The following TMEM201 variants were observed in gnomAD, a reference collection of about 807,000 sequenced individuals.
TMEM201 encodes transmembrane protein 201, also known as RP13-15M17.2.
TMEM201 carries 26 observed loss-of-function variants against 63.4 expected under a neutral mutation model. The ratio of observed to expected loss-of-function variants is 0.41; its 90% CI spans 0.30 to 0.57. The LOEUF is 0.57. Ranked by LOEUF, TMEM201 falls within the 20% of genes least tolerant of loss-of-function variation. TMEM201 has a pLI of 0.29. For missense variants in TMEM201, 794 were observed against 917.7 expected, an observed-to-expected ratio of 0.87 and a Z score of 1.74; for synonymous variants, 417 against 421.6, an observed-to-expected ratio of 0.99 and a Z score of 0.14.
chr1:9,602,367 C>CT (rs1644161442), intron 6 of TMEM201, 95 bp downstream of exon 6: 1 of 1,527,004 alleles, frequency 6.5e-7, no homozygotes, highest in African/African-American at 1.4e-5. Context: ...TGTCCTGCCT[C>CT]TTTTCACCTG....
At position 9,607,934 on chromosome 1, in the gene TMEM201, T is replaced by C. The variant is rs1262777255; in HGVS notation, c.1393+145T>C. On this transcript the variant is annotated intron_variant, in intron 7 of 10. Coordinates refer to ENST00000340381, the MANE Select transcript of TMEM201 (RefSeq NM_001130924.3). This position sits in a 1 kb window ranked among gnomAD's most constrained non-coding sequence, Gnocchi z 5.4. ...GCAGCACAGAGCTTTGAGCCTCAGT[T>C]CCCCCCAAAGAAATGGGGCTAGCTA... 4.2e-5 allele frequency: 34 copies of C among 817,194 alleles called. No individual in the cohort carries two copies. In the South Asian group the frequency reaches 5.7e-4, roughly 14 times the overall value. The allele number at this position is 817,194 out of a possible 1,614,324, so 50.6% of individuals were successfully genotyped here.
chr1:9,598,467 G>A lies in TMEM201; in HGVS notation c.448G>A (p.Val150Ile). 3 of 1,613,590 alleles carry A rather than the reference G, an allele frequency of 1.9e-6. No homozygotes were observed. The highest frequency in any genetic ancestry group is 2.5e-6 in the Non-Finnish European group (3 of 1,179,670). Residue 150 changes from valine (V) to isoleucine (I), a missense_variant, in exon 4 of 11, where the codon GTC (valine) becomes ATC (isoleucine). Transcript: ENST00000340381. ...CCCACAGGGCAGGTATGACGAGGAGGTCGAGGTGTACCGGCATCACCTGGA... is the reference window on the plus strand; with the variant it reads ...CCCACAGGGCAGGTATGACGAGGAGATCGAGGTGTACCGGCATCACCTGGA... ...PREEGRYDEEVEVYRHHLEQM... is the reference protein window; with the variant it reads ...PREEGRYDEEIEVYRHHLEQM...
chr1:9,611,879 C>A lies in TMEM201; in HGVS notation c.1892C>A (p.Ala631Asp). The change falls in exon 10 of 11, where the codon GCC becomes GAC. Residue 631 changes from alanine (A) to aspartate (D), a missense_variant. Transcript: ENST00000340381. ...TTTRGCSEEA[A>D]TWRGRFGPSL... ...ACCAGGGGCTGCTCGGAGGAGGCCG[C>A]CACCTGGAGAGGTCTGTACCCTGAG... 1 of 1,548,670 alleles carries A rather than the reference C, an allele frequency of 6.5e-7. No individual in the cohort carries two copies. The highest frequency in any genetic ancestry group is 8.7e-7 in the Non-Finnish European group (1 of 1,146,046).
In TMEM201 at chr1:9,610,950, T is replaced by C; in HGVS notation, c.1765+145T>C. On this transcript the variant is annotated intron_variant, in intron 9 of 10. Coordinates refer to ENST00000340381, the MANE Select transcript of TMEM201 (RefSeq NM_001130924.3). The surrounding 1 kb of genome is among the most constrained non-coding windows in gnomAD (Gnocchi z 4.9). ...GGAGCTCTAGGCACCCCATTCCGGC[T>C]CTGGTGACTTGAACCCTCTGGGACA... The C allele has an allele frequency of 2.7e-6, 4 of 1,507,190 alleles. No individual in the cohort carries two copies. The highest frequency in any genetic ancestry group is 3.5e-6 in the Non-Finnish European group (4 of 1,127,586). The allele number at this position is 1,507,190 out of a possible 1,614,324, so 93.4% of individuals were successfully genotyped here. A position where few individuals can be genotyped will look rare whatever the true frequency, so the allele number is the denominator to read the frequency against.
Position 9,601,312 on chromosome 1 carries a change from C to T in TMEM201, c.814C>T (p.Arg272Trp), listed in dbSNP as rs139018558. The change falls in exon 5 of 11, where the codon CGG (arginine) becomes TGG (tryptophan). Residue 272 changes from arginine (R) to tryptophan (W), a missense_variant. Physicochemically the swap from Arg to Trp is moderately radical, Grantham distance 101. Coordinates refer to ENST00000340381, the MANE Select transcript of TMEM201 (RefSeq NM_001130924.3). ...CACCACCCCTGGGGCCGAGGGCTGG[C>T]GGCAGTTGCTGGGCCTACTCCCCGA... ...NGTTPGAEGW[R>W]QLLGLLPEHM... The T allele has an allele frequency of 8.6e-5, 139 of 1,609,486 alleles. No individual in the cohort carries two copies. The highest frequency in any genetic ancestry group is 1.0e-4 in the Non-Finnish European group (119 of 1,179,864).
At chr1:9,600,625 G>A (rs1405710748) in intron 4 of TMEM201, among the ~76,000 whole-genome samples, 4 of 152,150 alleles carry the variant, frequency 2.6e-5, no homozygotes, top group Non-Finnish European at 5.9e-5. Context: ...AGTAAAGGAA[G>A]GGGCTCAACT....
At chr1:9,594,685 C>T (rs562087337) in intron 1 of TMEM201, among the ~76,000 whole-genome samples, 2 of 152,350 alleles carry the variant, frequency 1.3e-5, no homozygotes, top group Admixed American at 1.3e-4. Context: ...CAGCCTCCCC[C>T]TCAGGCCCCT....
Position 9,610,643 on chromosome 1 carries a change from C to T in TMEM201, c.1603C>T (p.Leu535=), listed in dbSNP as rs756020002. The change falls in exon 9 of 11, where the codon CTG becomes TTG. Residue 535 remains leucine, a synonymous_variant. Transcript: ENST00000340381. The surrounding 1 kb of genome is among the most constrained non-coding windows in gnomAD (Gnocchi z 4.9). Reference sequence around the variant, plus strand: ...CCTCATCAGCCCTGCCCGGCTCAACCTGAAGGGACAGAAGCTGCTGCTGTT... The same window carrying T: ...CCTCATCAGCCCTGCCCGGCTCAACTTGAAGGGACAGAAGCTGCTGCTGTT... ...RPLISPARLN[L]KGQKLLLFPS... 5.8e-6 allele frequency: 9 copies of T among 1,550,582 alleles called. No homozygotes were observed. The African/African-American group carries it at 8.2e-5, about 14-fold the overall frequency.
At chr1:9,601,014 C>G in intron 4 of TMEM201, 91 bp from the exon 5 acceptor site, 1 of 1,164,186 alleles carries the variant, frequency 8.6e-7, no homozygotes, top group South Asian at 1.5e-5. Flanking sequence ...GAACATGGGT[C>G]TGGCCAGAAC....
At position 9,611,883 on chromosome 1, in the gene TMEM201, C is replaced by T; in HGVS notation, c.1896C>T (p.Thr632=). ...GGGGCTGCTCGGAGGAGGCCGCCAC[C>T]TGGAGAGGTCTGTACCCTGAGGTGC... ...TTRGCSEEAA[T]WRGRFGPSLV... is the part of the protein sequence containing the mutation. The change falls in exon 10 of 11, where the codon ACC becomes ACT. Residue 632 remains threonine (T), a synonymous_variant. Coordinates refer to ENST00000340381, the MANE Select transcript of TMEM201 (RefSeq NM_001130924.3). 2 of 1,547,770 alleles carry T rather than the reference C, an allele frequency of 1.3e-6. No individual in the cohort carries two copies. The highest frequency in any genetic ancestry group is 8.7e-7 in the Non-Finnish European group (1 of 1,145,608).
intron 4 of TMEM201, among the ~76,000 whole-genome samples, chr1:9,599,085 C>T (rs1182638421): frequency 6.6e-6 from 1 of 151,956 alleles, no homozygotes; most frequent in East Asian, 1.9e-4. Flanking sequence ...GGATTACAGG[C>T]ACCCGCCATC....
chr1:9,611,172 C>A (rs1243424613), intron 9 of TMEM201: 11 of 674,072 alleles, frequency 1.6e-5, no homozygotes, highest in Non-Finnish European at 2.2e-5. Flanking sequence ...CTACAACTTT[C>A]AACTTTCACA....
chr1:9,606,610 A>T (rs1644249045), intron 6 of TMEM201: 2 of 152,264 alleles, frequency 1.3e-5, no homozygotes, highest in Admixed American at 6.5e-5. Context: ...CACGTTGTCC[A>T]CTGGGCTCAT....
chr1:9,602,735 C>T, intron 6 of TMEM201: 2 of 1,027,254 alleles, frequency 1.9e-6, no homozygotes, highest in Non-Finnish European at 2.3e-6. Context: ...ACAGGCTGGG[C>T]CCCTGGCGTG....
intron 3 of TMEM201, among the ~76,000 whole-genome samples, chr1:9,598,175 G>A (rs925333041): frequency 2.6e-5 from 4 of 152,198 alleles, no homozygotes; most frequent in African/African-American, 4.8e-5. Flanking sequence ...CCTGGCCTGC[G>A]GGTGCGTCCC....
At chr1:9,594,383 C>T (rs890672427) in intron 1 of TMEM201, among the ~76,000 whole-genome samples, 1 of 152,154 alleles carries the variant, frequency 6.6e-6, no homozygotes, top group Admixed American at 6.5e-5. Context: ...TGGGGGAGAT[C>T]CCAGCTGCCC....
intron 1 of TMEM201, among the ~76,000 whole-genome samples, chr1:9,590,926 C>T (rs1041840717): frequency 6.6e-5 from 10 of 152,164 alleles, no homozygotes; most frequent in African/African-American, 1.7e-4. Flanking sequence ...GAATGACCCT[C>T]GGGAGGGCAT....
chr1:9,610,464 G>A lies in TMEM201; in HGVS notation c.1466-42G>A, dbSNP rs1355568695. Reference sequence around the variant, plus strand: ...AAATAGCGCATTGTAGCGTTGCAGTGACAGGAGCCCACGTTCACATCATCT... The same window carrying A: ...AAATAGCGCATTGTAGCGTTGCAGTAACAGGAGCCCACGTTCACATCATCT... On this transcript the variant is annotated intron_variant, in intron 8 of 10. Transcript: ENST00000340381. This position sits in a 1 kb window ranked among gnomAD's most constrained non-coding sequence, Gnocchi z 4.9. 2.7e-6 allele frequency: 4 copies of A among 1,463,982 alleles called. No homozygotes were observed. The Admixed American group carries it at 9.4e-5, about 34-fold the overall frequency. 90.7% of individuals were successfully genotyped at this position (1,463,982 alleles called of 1,614,324 possible). A position where few individuals can be genotyped will look rare whatever the true frequency, so the allele number is the denominator to read the frequency against.
At chr1:9,592,727 C>T (rs953191570) in intron 1 of TMEM201, among the ~76,000 whole-genome samples, 6 of 121,096 alleles carry the variant, frequency 5.0e-5, no homozygotes, top group South Asian at 2.7e-4. Context: ...GGCTTGTGGA[C>T]GGGGCAGGTA....
Sources: allele counts gnomAD v4.1 joint callset (sites outside exome capture counted in the v4.1 genomes callset), GRCh38; gene constraint gnomAD v4.1.1; non-coding constraint Gnocchi (gnomAD v3.1); transcripts MANE v1.5; gene names NCBI Gene and HGNC (gene_info 2026-07-23, HGNC 2026-07-21).